PRKCH: variants seen among roughly 807,000 people sequenced by gnomAD.
PRKCH encodes protein kinase C eta.
In PRKCH, 28 loss-of-function variants were observed where a neutral mutation model predicts 82.5. The observed-to-expected ratio is 0.34, with a 90% CI of 0.25 to 0.47. The LOEUF (loss-of-function observed/expected upper bound fraction) is 0.47. Ranked by LOEUF, PRKCH falls within the 20% of genes least tolerant of loss-of-function variation. The probability of loss-of-function intolerance (pLI) is 1.00; values close to 1 mark genes in which losing one functional copy is unlikely to be tolerated. For synonymous variants in PRKCH, 322 were observed against 327.4 expected (o/e 0.98, Z 0.18); for missense variants, 705 against 881.8 (o/e 0.80, Z 2.54).
chr14:61,536,107 G>A (rs1048769399), intron 12 of PRKCH, among the ~76,000 whole-genome samples: 2 of 152,182 alleles, frequency 1.3e-5, no homozygotes, highest in Non-Finnish European at 2.9e-5. Context: ...CCACATACAA[G>A]CTCCCCTGTG....
At chr14:61,277,379 T>C (rs1249608240) in intron 1 of PRKCH, 1 of 152,218 alleles carries the variant, frequency 6.6e-6, no homozygotes, top group African/African-American at 2.4e-5. Flanking sequence ...CTTTCTCTTT[T>C]ATGCTTTTAT....
intron 1 of PRKCH, among the ~76,000 whole-genome samples, chr14:61,325,271 A>G (rs1319630146): frequency 6.6e-6 from 1 of 152,258 alleles, no homozygotes; most frequent in Non-Finnish European, 1.5e-5. Flanking sequence ...AGAGAGTCAT[A>G]CAGATCAGTG....
intron 2 of PRKCH, among the ~76,000 whole-genome samples, chr14:61,428,112 C>CATATATATATATATATATACACACAT (rs1883218935): frequency 6.9e-6 from 1 of 145,598 alleles, no homozygotes; most frequent in African/African-American, 2.7e-5. Context: ...TATATACACA[C>CATATATATATATATATATACACACAT]ATATATATAT....
intron 10 of PRKCH, among the ~76,000 whole-genome samples, chr14:61,500,955 G>A (rs1886879101): frequency 6.6e-6 from 1 of 152,156 alleles, no homozygotes; most frequent in African/African-American, 2.4e-5. Flanking sequence ...TTGATTGCAT[G>A]GAACAGCATG....
At chr14:61,315,694 T>C (rs940722999) in intron 1 of PRKCH, among the ~76,000 whole-genome samples, 3 of 152,210 alleles carry the variant, frequency 2.0e-5, no homozygotes, top group Admixed American at 6.5e-5. Flanking sequence ...TATACATATT[T>C]TTTGTACTTC....
upstream of PRKCH, among the ~76,000 whole-genome samples, chr14:61,321,258 C>T (rs927859829): frequency 6.6e-6 from 1 of 152,178 alleles, no homozygotes; most frequent in African/African-American, 2.4e-5. The surrounding 1 kb of genome is among the most constrained non-coding windows in gnomAD (Gnocchi z 4.1). Flanking sequence ...CGGGCGACTC[C>T]TCGCCGCGCG....
At chr14:61,187,633 T>C (rs1022627504) in exon 1 of PRKCH, 4 of 152,546 alleles carry the variant, frequency 2.6e-5, no homozygotes, top group East Asian at 3.8e-4. Flanking sequence ...AGAAGGACGC[T>C]GCTTCTGCCT....
intron 2 of PRKCH, among the ~76,000 whole-genome samples, chr14:61,405,451 C>T (rs1229501247): frequency 6.6e-6 from 1 of 151,678 alleles, no homozygotes; most frequent in Admixed American, 6.6e-5. Flanking sequence ...AATCTCAGCT[C>T]ACTGCAACCT....
intron 10 of PRKCH, among the ~76,000 whole-genome samples, chr14:61,489,454 T>TA (rs1490368484): frequency 6.6e-6 from 1 of 152,266 alleles, no homozygotes; most frequent in Admixed American, 6.5e-5. Flanking sequence ...ATGGGCCAGT[T>TA]ACGTTTGCAC....
intron 1 of PRKCH, among the ~76,000 whole-genome samples, chr14:61,275,362 C>G (rs2045192687): frequency 6.6e-6 from 1 of 152,134 alleles, no homozygotes; most frequent in Non-Finnish European, 1.5e-5. Flanking sequence ...GTGTCAAGCA[C>G]CTTGGACTTT....
At chr14:61,514,758 C>T (rs1038538835) in intron 10 of PRKCH, among the ~76,000 whole-genome samples, 5 of 151,974 alleles carry the variant, frequency 3.3e-5, no homozygotes, top group Non-Finnish European at 7.3e-5. Flanking sequence ...AAGGGAACCC[C>T]GAAATATAAA....
rs1175743460 is a variant in PRKCH, at chr14:61,542,540, A to G, written c.1762-5203A>G. Among the ~76,000 whole-genome samples, 4 of 152,138 alleles carry G rather than the reference A, an allele frequency of 2.6e-5. No homozygotes were observed. In the East Asian group the frequency reaches 5.8e-4, roughly 22 times the overall value. On this transcript the variant is annotated intron_variant, in intron 12 of 13. Transcript: ENST00000332981. ...TTAAAAAAAAGCAAGAAAAAGGAAC[A>G]TTATTTTCCAAAGACCATTCCTCCC...
chr14:61,529,005 T>TGTGTGTGTGTGTGTGTGCGC (rs1491304992), intron 10 of PRKCH, 70 bp from the exon 11 acceptor site: 138 of 1,460,602 alleles, frequency 9.4e-5, no homozygotes, highest in African/African-American at 1.5e-4. Flanking sequence ...TGTGTGTGTG[T>TGTGTGTGTGTGTGTGTGCGC]GCCCATTCTG....
chr14:61,391,684 C>G (rs763726452), intron 2 of PRKCH, among the ~76,000 whole-genome samples: 6 of 152,194 alleles, frequency 3.9e-5, no homozygotes, highest in Non-Finnish European at 7.3e-5. Flanking sequence ...TTTATAATCT[C>G]TATCTCATTT....
chr14:61,532,978 C>T (rs545799507), intron 12 of PRKCH, among the ~76,000 whole-genome samples: 24 of 152,318 alleles, frequency 1.6e-4, no homozygotes, highest in African/African-American at 5.5e-4. Flanking sequence ...AAATAACACT[C>T]GACGCTCTCT....
intron 1 of PRKCH, among the ~76,000 whole-genome samples, chr14:61,293,310 G>A (rs1051703515): frequency 3.3e-5 from 5 of 152,196 alleles, no homozygotes; most frequent in Non-Finnish European, 4.4e-5. Context: ...AGGGCAATAC[G>A]CTAGAGCTTA....
At chr14:61,337,230 A>T (rs2140134029) in intron 1 of PRKCH, among the ~76,000 whole-genome samples, 1 of 148,644 alleles carries the variant, frequency 6.7e-6, no homozygotes, top group East Asian at 2.0e-4. Flanking sequence ...TGCAGTCTCA[A>T]CCTCCTGGGC....
intron 2 of PRKCH, among the ~76,000 whole-genome samples, chr14:61,392,309 G>A (rs1214696792): frequency 6.6e-6 from 1 of 152,134 alleles, no homozygotes; most frequent in African/African-American, 2.4e-5. Context: ...TAAAGTAGGT[G>A]TGTGTGTAAC....
chr14:61,286,507 G>T (rs1198810699), intron 1 of PRKCH, among the ~76,000 whole-genome samples: 2 of 152,164 alleles, frequency 1.3e-5, no homozygotes. Flanking sequence ...AAGAGAGGGT[G>T]AACTCACACC....
Sources: gnomAD v4.1 joint callset for allele counts (sites outside exome capture counted in the v4.1 genomes callset) on GRCh38, gnomAD v4.1.1 for gene constraint, Gnocchi (gnomAD v3.1) non-coding constraint, MANE v1.5 for transcripts, NCBI Gene and HGNC (gene_info 2026-07-23, HGNC 2026-07-21) for gene names.